RCAN2: variants seen among roughly 807,000 people sequenced by gnomAD.
RCAN2 encodes the protein calcipressin-2.
Under a neutral mutation model 23.6 loss-of-function variants are expected in RCAN2, and 9 were observed. That is an observed-to-expected ratio of 0.38 (90% CI 0.23 to 0.67). The LOEUF is 0.67. Among genes scored for constraint, RCAN2 ranks in the 30% least tolerant of loss-of-function variants. The pLI, the probability that RCAN2 is intolerant of heterozygous loss-of-function variation, is 0.51. For synonymous variants in RCAN2, 109 were observed against 115.7 expected, an observed-to-expected ratio of 0.94 and a Z score of 0.37; for missense variants, 273 against 302.3, an observed-to-expected ratio of 0.90 and a Z score of 0.72.
At chr6:46,371,885 G>A (rs988949163) in intron 2 of RCAN2, among the ~76,000 whole-genome samples, 1 of 152,194 alleles carries the variant, frequency 6.6e-6, no homozygotes, top group African/African-American at 2.4e-5. Context: ...TATAACCACA[G>A]TTCTTGTACA....
intron 2 of RCAN2, among the ~76,000 whole-genome samples, chr6:46,256,439 T>G (rs1264471541): frequency 6.6e-6 from 1 of 151,572 alleles, no homozygotes; most frequent in Non-Finnish European, 1.5e-5. Context: ...TCTGAAGATG[T>G]GCATGTGCTG....
At chr6:46,348,390 T>G (rs1404879676) in intron 2 of RCAN2, among the ~76,000 whole-genome samples, 2 of 152,200 alleles carry the variant, frequency 1.3e-5, no homozygotes, top group Non-Finnish European at 2.9e-5. Flanking sequence ...TCTGTGGTAC[T>G]GAAAACATCT....
intron 1 of RCAN2, among the ~76,000 whole-genome samples, chr6:46,462,813 A>C (rs1162805554): frequency 6.6e-6 from 1 of 152,240 alleles, no homozygotes; most frequent in Non-Finnish European, 1.5e-5. Flanking sequence ...AGAGTTATCA[A>C]TGTGCATGAG....
At chr6:46,260,027 T>C (rs553529728) in intron 2 of RCAN2, among the ~76,000 whole-genome samples, 1 of 152,224 alleles carries the variant, frequency 6.6e-6, no homozygotes, top group African/African-American at 2.4e-5. Flanking sequence ...TCCTTTGGGT[T>C]TTTATGAAGG....
chr6:46,224,507 T>C (rs1441790207), intron 4 of RCAN2, among the ~76,000 whole-genome samples: 1 of 152,218 alleles, frequency 6.6e-6, no homozygotes, highest in African/African-American at 2.4e-5. Context: ...GTTTATCTGT[T>C]GGCCCCTAAT....
At chr6:46,303,011 G>A (rs964459056) in intron 2 of RCAN2, among the ~76,000 whole-genome samples, 1 of 152,012 alleles carries the variant, frequency 6.6e-6, no homozygotes, top group African/African-American at 2.4e-5. Flanking sequence ...GGTTTTCTCT[G>A]ACATGGCAGG....
At chr6:46,434,160 C>G (rs375505966) in intron 2 of RCAN2, among the ~76,000 whole-genome samples, 1 of 152,224 alleles carries the variant, frequency 6.6e-6, no homozygotes, top group East Asian at 1.9e-4. Flanking sequence ...ATGTGCCTCA[C>G]AAAGATAGCT....
Position 46,458,558 on chromosome 6 carries a change from G to A in RCAN2, c.-2-1580C>T, listed in dbSNP as rs905901163. On this transcript the variant is annotated intron_variant, in intron 1 of 4. Coordinates refer to ENST00000371374, the MANE Select transcript of RCAN2 (RefSeq NM_001251974.2). ...CAAAGTTCTTCAAACTCCAATTAGCGCATTTCCATATTTAAATCAACAAAA... is the reference window on the plus strand; with the variant it reads ...CAAAGTTCTTCAAACTCCAATTAGCACATTTCCATATTTAAATCAACAAAA... 4.0e-5 allele frequency among the ~76,000 whole-genome samples: 6 copies of A among 151,818 alleles called. No individual in the cohort carries two copies. The South Asian group carries it at 6.2e-4, about 16-fold the overall frequency.
chr6:46,441,222 A>G (rs1767532893), intron 2 of RCAN2, among the ~76,000 whole-genome samples: 1 of 152,218 alleles, frequency 6.6e-6, no homozygotes, highest in Non-Finnish European at 1.5e-5. Context: ...GCCAATAAAC[A>G]AGGTGTTGTT....
chr6:46,318,275 A>G (rs1283493809), intron 2 of RCAN2, among the ~76,000 whole-genome samples: 1 of 152,228 alleles, frequency 6.6e-6, no homozygotes, highest in South Asian at 2.1e-4. Flanking sequence ...CAAATAAAAC[A>G]TTATTGAAGA....
rs543766494 is a variant in RCAN2, at chr6:46,388,903, C to T, written c.225+67849G>A. Among the ~76,000 whole-genome samples, 402 of 151,972 alleles carry T rather than the reference C, an allele frequency of 2.6e-3. 2 individuals are homozygous for T. Among genetic ancestry groups the T allele is most frequent in the Admixed American group, 0.01 (157 of 15,266 alleles). On this transcript the variant is annotated intron_variant, in intron 2 of 4. Coordinates refer to ENST00000371374, the MANE Select transcript of RCAN2 (RefSeq NM_001251974.2). The stretch of plus-strand genomic sequence containing the variant: ...AGGTGCAGCAAACCACCATGGCACG[C>T]GTATACCTATGTAACAAACCTGCAC...
chr6:46,489,105 G>A (rs1769069946), intron 1 of RCAN2, among the ~76,000 whole-genome samples: 1 of 152,138 alleles, frequency 6.6e-6, no homozygotes, highest in Admixed American at 6.5e-5. Context: ...ACATGTAGGT[G>A]TCCTCTGAAT....
At chr6:46,450,143 A>T (rs1767833653) in intron 2 of RCAN2, among the ~76,000 whole-genome samples, 1 of 152,036 alleles carries the variant, frequency 6.6e-6, no homozygotes, top group Non-Finnish European at 1.5e-5. Flanking sequence ...TGGGCAAAGG[A>T]GCTGAATTGA....
intron 2 of RCAN2, among the ~76,000 whole-genome samples, chr6:46,356,218 C>T (rs567239967): frequency 2.0e-5 from 3 of 152,284 alleles, no homozygotes; most frequent in East Asian, 1.9e-4. Context: ...CAAACCTGCC[C>T]GGATCAGTAA....
At chr6:46,332,280 C>T (rs1188879205) in intron 2 of RCAN2, among the ~76,000 whole-genome samples, 1 of 151,900 alleles carries the variant, frequency 6.6e-6, no homozygotes, top group African/African-American at 2.4e-5. Context: ...ATTGTTTAGC[C>T]TCTCTCATTT....
intron 2 of RCAN2, among the ~76,000 whole-genome samples, chr6:46,445,731 T>C (rs922909503): frequency 2.0e-5 from 3 of 152,134 alleles, no homozygotes; most frequent in African/African-American, 4.8e-5. Context: ...AGATGTTGAA[T>C]TATTAAAAAA....
At chr6:46,383,997 A>G (rs1434749332) in intron 2 of RCAN2, among the ~76,000 whole-genome samples, 1 of 152,160 alleles carries the variant, frequency 6.6e-6, no homozygotes, top group Non-Finnish European at 1.5e-5. Context: ...ATAGCAGGAC[A>G]AAAGGAAAAA....
chr6:46,381,963 T>G (rs1765625854), intron 2 of RCAN2, among the ~76,000 whole-genome samples: 1 of 152,238 alleles, frequency 6.6e-6, no homozygotes, highest in Non-Finnish European at 1.5e-5. Context: ...CCCTTAGAAG[T>G]GCCATCATTC....
chr6:46,488,714 G>A (rs936189813), intron 1 of RCAN2, among the ~76,000 whole-genome samples: 8 of 152,148 alleles, frequency 5.3e-5, no homozygotes, highest in Non-Finnish European at 7.4e-5. Flanking sequence ...TACTCCCTCA[G>A]TTAAAAGCCT....
Sources: gnomAD v4.1 joint callset for allele counts (sites outside exome capture counted in the v4.1 genomes callset) on GRCh38, gnomAD v4.1.1 for gene constraint, MANE v1.5 for transcripts, NCBI Gene and HGNC (gene_info 2026-07-23, HGNC 2026-07-21) for gene names.